The following KCNMA1 variants were observed in gnomAD, a reference collection of about 807,000 sequenced individuals.
KCNMA1 encodes the protein Calcium-activated potassium channel subunit alpha-1.
A neutral mutation model predicts 140.0 loss-of-function variants in KCNMA1; 29 were observed. The ratio of observed to expected loss-of-function variants is 0.21; its 90% confidence interval spans 0.15 to 0.28. KCNMA1 has a LOEUF of 0.28. KCNMA1 is among the 10% of genes least tolerant of loss of function. The probability of loss-of-function intolerance (pLI) is 1.00; values close to 1 mark genes in which losing one functional copy is unlikely to be tolerated. For missense variants in KCNMA1, 880 were observed against 1,602.2 expected, an observed-to-expected ratio of 0.55 and a Z score of 7.70; for synonymous variants, 612 against 611.9, an observed-to-expected ratio of 1.00 and a Z score of 0.00.
At chr10:77,604,257 T>C (rs1245781986) in intron 1 of KCNMA1, among the ~76,000 whole-genome samples, 1 of 152,190 alleles carries the variant, frequency 6.6e-6, no homozygotes, top group Admixed American at 6.5e-5. Context: ...TTCACTACCA[T>C]TCTACACTAA....
intron 1 of KCNMA1, among the ~76,000 whole-genome samples, chr10:77,527,734 G>A (rs998731023): frequency 6.6e-6 from 1 of 152,182 alleles, no homozygotes; most frequent in African/African-American, 2.4e-5. Context: ...GGCTGGTGGG[G>A]AGTGAGGAGG....
chr10:77,538,951 A>G (rs992900133), intron 1 of KCNMA1, among the ~76,000 whole-genome samples: 3 of 152,186 alleles, frequency 2.0e-5, no homozygotes, highest in Non-Finnish European at 2.9e-5. Context: ...GAGGCTCCGT[A>G]CATAGGTCCC....
chr10:77,012,746 G>A (rs2091134073), intron 17 of KCNMA1, among the ~76,000 whole-genome samples: 2 of 152,138 alleles, frequency 1.3e-5, no homozygotes, highest in Admixed American at 6.5e-5. Flanking sequence ...ACTGGAAGGG[G>A]GTGAGTAGAG....
chr10:77,400,507 T>G (rs35809), intron 2 of KCNMA1, among the ~76,000 whole-genome samples: 145,423 of 152,324 alleles, frequency 0.95, 69,790 homozygotes, highest in African/African-American at 0.99. Flanking sequence ...GTGACAGCTG[T>G]CAGTGGCTTA....
At chr10:76,938,392 G>C (rs2061122091) in intron 23 of KCNMA1, among the ~76,000 whole-genome samples, 1 of 152,150 alleles carries the variant, frequency 6.6e-6, no homozygotes, top group African/African-American at 2.4e-5. Context: ...CATGCAGACT[G>C]TTTTGCATGT....
intron 19 of KCNMA1, among the ~76,000 whole-genome samples, chr10:76,988,810 T>G (rs1371564408): frequency 6.6e-6 from 1 of 152,130 alleles, no homozygotes; most frequent in African/African-American, 2.4e-5. Context: ...ACCTAAGGAT[T>G]CTAACAGCTG....
intron 1 of KCNMA1, among the ~76,000 whole-genome samples, chr10:77,613,853 A>G (rs1010387924): frequency 6.6e-6 from 1 of 152,208 alleles, no homozygotes; most frequent in African/African-American, 2.4e-5. Context: ...TGAATTTGTC[A>G]TTTTATCAAA....
intron 1 of KCNMA1, chr10:77,586,521 A>G (rs1324036346): frequency 1.3e-5 from 2 of 152,266 alleles, no homozygotes; most frequent in Admixed American, 6.5e-5. Context: ...AGCCCTCATT[A>G]GTAGACAGTA....
chr10:77,134,990 T>C (rs1281740358), intron 5 of KCNMA1, among the ~76,000 whole-genome samples: 2 of 6,146 alleles, frequency 3.3e-4, no homozygotes, highest in African/African-American at 8.6e-4. Context: ...AGAGCAAGAC[T>C]CTGTCTCAAA....
chr10:77,517,553 T>G (rs1299680597), intron 1 of KCNMA1, among the ~76,000 whole-genome samples: 2 of 152,194 alleles, frequency 1.3e-5, no homozygotes, highest in African/African-American at 4.8e-5. Context: ...TGGGTGGTTC[T>G]GCTGAGTTGG....
chr10:77,340,406 T>G (rs1288160655), intron 2 of KCNMA1, among the ~76,000 whole-genome samples: 1 of 152,170 alleles, frequency 6.6e-6, no homozygotes, highest in Non-Finnish European at 1.5e-5. Context: ...TTAAGACACA[T>G]GCACATGTAT....
intron 25 of KCNMA1, among the ~76,000 whole-genome samples, chr10:76,906,165 A>C (rs1327845030): frequency 5.3e-5 from 8 of 152,130 alleles, no homozygotes; most frequent in Non-Finnish European, 4.4e-5. Flanking sequence ...TTCACTTTTC[A>C]GGGTCCAAGT....
At chr10:77,386,399 G>A (rs1181805957) in intron 2 of KCNMA1, among the ~76,000 whole-genome samples, 2 of 152,252 alleles carry the variant, frequency 1.3e-5, no homozygotes, top group Non-Finnish European at 2.9e-5. Flanking sequence ...AGGGGAAGAG[G>A]AAGAATTGAG....
chr10:77,637,169 A>AGGCAC (rs2093841574), intron 1 of KCNMA1, 96 bp downstream of exon 1: 1 of 1,279,646 alleles, frequency 7.8e-7, no homozygotes, highest in Non-Finnish European at 1.1e-6. Context: ...GGATGGAGGG[A>AGGCAC]GGCACGGCGC....
intron 1 of KCNMA1, among the ~76,000 whole-genome samples, chr10:77,547,481 G>C (rs1030851285): frequency 1.3e-5 from 2 of 152,196 alleles, no homozygotes; most frequent in African/African-American, 4.8e-5. Context: ...AAGAACCCAA[G>C]TGTCTGAGCT....
chr10:77,544,150 C>CTCTGTGTGTG (rs1555434748), intron 1 of KCNMA1, among the ~76,000 whole-genome samples: 2,971 of 142,528 alleles, frequency 0.021, 70 homozygotes, highest in African/African-American at 0.05. Flanking sequence ...ATCTTTCCAG[C>CTCTGTGTGTG]TGTGTGTGTG....
At chr10:76,907,714 T>C (rs1411530092) in intron 25 of KCNMA1, among the ~76,000 whole-genome samples, 2 of 152,106 alleles carry the variant, frequency 1.3e-5, no homozygotes, top group African/African-American at 4.8e-5. Flanking sequence ...AATTTTTTTA[T>C]ATTTTTAGTA....
intron 1 of KCNMA1, among the ~76,000 whole-genome samples, chr10:77,607,929 TA>T (rs1474709315): frequency 1.3e-5 from 2 of 152,102 alleles, no homozygotes; most frequent in African/African-American, 4.8e-5. Flanking sequence ...CATTAGGGGT[TA>T]AGTAATTCAC....
chr10:77,106,117 T>C (rs78544403), intron 9 of KCNMA1, among the ~76,000 whole-genome samples: 94 of 152,252 alleles, frequency 6.2e-4, no homozygotes, highest in Non-Finnish European at 9.0e-4. Context: ...ACTTAGTAAT[T>C]AGCTTTTGAA....
Sources: gnomAD v4.1 joint callset for allele counts (sites outside exome capture counted in the v4.1 genomes callset) on GRCh38, gnomAD v4.1.1 for gene constraint, MANE v1.5 for transcripts, NCBI Gene and HGNC (gene_info 2026-07-23, HGNC 2026-07-21) for gene names.